C10orf90: variants seen among roughly 807,000 people sequenced by gnomAD.
C10orf90 encodes (E2-independent) E3 ubiquitin-conjugating enzyme FATS.
Under a neutral mutation model 62.5 loss-of-function variants are expected in C10orf90, and 56 were observed. The ratio of observed to expected loss-of-function variants is 0.90; its 90% CI spans 0.72 to 1.12. The LOEUF (loss-of-function observed/expected upper bound fraction) is 1.12. Among genes scored for constraint, C10orf90 ranks in the 50% most tolerant of loss-of-function variants. C10orf90 has a pLI of 0.00. For synonymous variants in C10orf90, 386 were observed against 340.4 expected (o/e 1.13, Z -1.47); for missense variants, 970 against 880.4 (o/e 1.10, Z -1.29).
At chr10:126,439,378 A>G (rs926241028) in intron 7 of C10orf90, among the ~76,000 whole-genome samples, 7 of 152,334 alleles carry the variant, frequency 4.6e-5, no homozygotes, top group Middle Eastern at 3.4e-3. Flanking sequence ...AAATGTGCAG[A>G]CATCATTGCA....
Position 126,661,548 on chromosome 10 carries a change from G to C in C10orf90, c.240+8693C>G, listed in dbSNP as rs115070203. 6.5e-3 allele frequency among the ~76,000 whole-genome samples: 983 copies of C among 152,196 alleles called. 14 individuals are homozygous for C. The highest frequency in any genetic ancestry group is 0.022 in the African/African-American group (923 of 41,518). On this transcript the variant is annotated intron_variant, in intron 1 of 9. Coordinates refer to ENST00000488181, the MANE Select transcript of C10orf90 (RefSeq NM_001350921.2). ...TTGGTTTGGCTGAAATGTGGATATG[G>C]TTTCCCCACAAGTTCCCAATTCCCT...
chr10:126,528,264 A>G (rs1864002347), intron 2 of C10orf90, among the ~76,000 whole-genome samples: 1 of 152,188 alleles, frequency 6.6e-6, no homozygotes. Flanking sequence ...GCATTTCCAG[A>G]TATCTAGACA....
chr10:126,583,156 C>T (rs373968285), intron 2 of C10orf90, among the ~76,000 whole-genome samples: 34 of 152,264 alleles, frequency 2.2e-4, no homozygotes, highest in Middle Eastern at 3.4e-3. Flanking sequence ...AAAACCACCC[C>T]GTCAATAAAC....
intron 5 of C10orf90, among the ~76,000 whole-genome samples, chr10:126,462,304 C>T (rs918711376): frequency 1.3e-5 from 2 of 152,152 alleles, no homozygotes; most frequent in African/African-American, 4.8e-5. Context: ...ACTGCACCTT[C>T]CCCTCAACAC....
chr10:126,524,501 G>A (rs2133946576), intron 2 of C10orf90: 1 of 429,690 alleles, frequency 2.3e-6, no homozygotes, highest in African/African-American at 2.1e-5. Context: ...AAGAAATTAG[G>A]AGCCTCACCT....
Position 126,524,670 on chromosome 10 carries a change from C to T in C10orf90, c.314-10731G>A, listed in dbSNP as rs1014704368. 5 of 986,032 alleles carry T rather than the reference C, an allele frequency of 5.1e-6. No homozygotes were observed. The East Asian group carries it at 3.4e-4, about 67-fold the overall frequency. 61.1% of individuals were successfully genotyped at this position (986,032 alleles called of 1,614,324 possible). On this transcript the variant is annotated intron_variant, in intron 2 of 9. Transcript: ENST00000488181. ...CTAGGCTCCAGATCCCACCTGGCCA[C>T]TCAGCCATGTCAGCTCCTCCTCTGG... is the stretch of plus-strand genomic sequence containing the variant.
chr10:126,517,414 G>A (rs10901626), intron 2 of C10orf90, among the ~76,000 whole-genome samples: 99,921 of 152,040 alleles, frequency 0.66, 33,616 homozygotes, highest in Middle Eastern at 0.78. Context: ...CACTAAATAG[G>A]GCTTTGTCTC....
chr10:126,529,476 G>C, intron 2 of C10orf90, among the ~76,000 whole-genome samples: 1 of 152,078 alleles, frequency 6.6e-6, no homozygotes, highest in East Asian at 1.9e-4. Context: ...AACAGACAAA[G>C]GGTTATTATG....
chr10:126,521,370 A>C, intron 2 of C10orf90: 1 of 1,613,326 alleles, frequency 6.2e-7, no homozygotes, highest in East Asian at 2.2e-5. Flanking sequence ...AGGTCTTTTA[A>C]TGACAAGGAT....
In C10orf90 at chr10:126,534,693, G is replaced by A. The variant is rs78168818; in HGVS notation, c.314-20754C>T. On this transcript the variant is annotated intron_variant, in intron 2 of 9. Transcript: ENST00000488181. The stretch of plus-strand genomic sequence containing the variant: ...CGGGCCACCTTCATTTTTCTACTCC[G>A]TATGTCAGAATTCTAGAAATGGACT... 4.5e-3 allele frequency among the ~76,000 whole-genome samples: 684 copies of A among 151,896 alleles called. 4 individuals are homozygous for A. The highest frequency in any genetic ancestry group is 6.6e-3 in the Non-Finnish European group (450 of 67,916).
chr10:126,649,618 T>G (rs907575323), intron 1 of C10orf90, among the ~76,000 whole-genome samples: 1 of 152,216 alleles, frequency 6.6e-6, no homozygotes, highest in African/African-American at 2.4e-5. Flanking sequence ...AGGTTTCTGA[T>G]TCATAAGCTC....
At chr10:126,628,377 A>G (rs1353058087) in intron 2 of C10orf90, among the ~76,000 whole-genome samples, 2 of 152,196 alleles carry the variant, frequency 1.3e-5, no homozygotes, top group East Asian at 1.9e-4. Context: ...GGATGGATAG[A>G]TCTATGGACG....
At chr10:126,485,468 T>C (rs1384273906) in intron 4 of C10orf90, among the ~76,000 whole-genome samples, 5 of 152,144 alleles carry the variant, frequency 3.3e-5, no homozygotes, top group Admixed American at 3.3e-4. Flanking sequence ...AACAATGCAA[T>C]GATGACGATT....
intron 7 of C10orf90, among the ~76,000 whole-genome samples, chr10:126,450,371 AC>A (rs1590923869): frequency 1.3e-5 from 2 of 152,232 alleles, no homozygotes; most frequent in East Asian, 3.9e-4. Flanking sequence ...GAATCTGCAG[AC>A]GACTCCAAAT....
intron 2 of C10orf90, among the ~76,000 whole-genome samples, chr10:126,556,076 T>C (rs1377311689): frequency 6.6e-6 from 1 of 152,190 alleles, no homozygotes; most frequent in Non-Finnish European, 1.5e-5. Flanking sequence ...CATCAGATGA[T>C]AAACGAGTCT....
At chr10:126,429,655 T>C (rs1857459089) in intron 8 of C10orf90, 132 bp downstream of exon 8, 2 of 689,372 alleles carry the variant, frequency 2.9e-6, no homozygotes, top group Admixed American at 5.4e-5. Context: ...TTTTTTCAGA[T>C]TTGCAGCCAA....
At chr10:126,567,604 C>G (rs146176808) in intron 2 of C10orf90, among the ~76,000 whole-genome samples, 1 of 152,110 alleles carries the variant, frequency 6.6e-6, no homozygotes, top group Non-Finnish European at 1.5e-5. Context: ...AAAGCAGGGT[C>G]GGAAGCCCTG....
intron 2 of C10orf90, among the ~76,000 whole-genome samples, chr10:126,556,490 T>C (rs1035648892): frequency 8.5e-5 from 13 of 152,214 alleles, no homozygotes; most frequent in Non-Finnish European, 1.6e-4. Context: ...ATTGCTTATT[T>C]TGATATAATT....
rs571016513 is a variant in C10orf90 at position 126,627,281 on chromosome 10, T to G, written c.313+19284A>C. ...TCCCAAAGTGCTGGGATTACAGGCATGAGCCACTGCACCTGGCCTCTTTTT... is the reference window on the plus strand; with the variant it reads ...TCCCAAAGTGCTGGGATTACAGGCAGGAGCCACTGCACCTGGCCTCTTTTT... On this transcript the variant is annotated intron_variant, in intron 2 of 9. Coordinates refer to ENST00000488181, the MANE Select transcript of C10orf90 (RefSeq NM_001350921.2). 3.9e-5 allele frequency among the ~76,000 whole-genome samples: 6 copies of G among 152,348 alleles called. No individual in the cohort carries two copies. In the South Asian group the frequency reaches 1.2e-3, roughly 32 times the overall value.
Sources: allele counts gnomAD v4.1 joint callset (sites outside exome capture counted in the v4.1 genomes callset), GRCh38; gene constraint gnomAD v4.1.1; transcripts MANE v1.5; gene names NCBI Gene and HGNC (gene_info 2026-07-23, HGNC 2026-07-21).